Variants in NUDCD1 observed in about 807,000 individuals in gnomAD.
The protein encoded by NUDCD1 is NudC domain containing 1, also known as nudC domain-containing protein 1.
NUDCD1 carries 60 observed loss-of-function variants against 67.8 expected under a neutral mutation model. That is an observed-to-expected ratio of 0.88 (90% confidence interval 0.72 to 1.10). The LOEUF (loss-of-function observed/expected upper bound fraction) is 1.10, where lower values mean the gene tolerates loss of function less well. Ranked by LOEUF, NUDCD1 falls within the 50% of genes least tolerant of loss-of-function variation. The pLI is 0.00. For missense variants in NUDCD1, 643 were observed against 695.0 expected, an observed-to-expected ratio of 0.93 and a Z score of 0.84; for synonymous variants, 244 against 230.8, an observed-to-expected ratio of 1.06 and a Z score of -0.52.
rs1813384076 is a variant in NUDCD1, at chr8:109,242,233, T to C, written c.*776A>G. On this transcript the variant is annotated 3_prime_UTR_variant, in exon 10 of 10. Coordinates refer to ENST00000239690, the MANE Select transcript of NUDCD1 (RefSeq NM_032869.4). ...TACAGGATCGATAAGCTCTTGCATA[T>C]TGGAGCTTGCTCTCTTAAGATGTTT... 2 of 396,888 alleles carry C rather than the reference T, an allele frequency of 5.0e-6. No homozygotes were observed. The highest frequency in any genetic ancestry group is 4.4e-5 in the Admixed American group (1 of 22,672). 24.6% of individuals were successfully genotyped at this position (396,888 alleles called of 1,614,324 possible).
chr8:109,273,522 A>G (rs1292890752), intron 7 of NUDCD1, among the ~76,000 whole-genome samples: 1 of 152,124 alleles, frequency 6.6e-6, no homozygotes, highest in African/African-American at 2.4e-5. Flanking sequence ...AGAGCAAAAT[A>G]TATCCCCGGT....
At chr8:109,248,455 T>C (rs1813549980) in intron 8 of NUDCD1, among the ~76,000 whole-genome samples, 1 of 152,210 alleles carries the variant, frequency 6.6e-6, no homozygotes, top group South Asian at 2.1e-4. Flanking sequence ...ATGAATGTTA[T>C]GTAAAAAGTG....
Position 109,275,340 on chromosome 8 carries a change from C to G in NUDCD1, c.1173+12G>C. On this transcript the variant is annotated intron_variant, in intron 7 of 9. Coordinates refer to ENST00000239690, the MANE Select transcript of NUDCD1 (RefSeq NM_032869.4). The stretch of plus-strand genomic sequence containing the variant: ...ACCCTTGGAAAGTCACACTACTATT[C>G]CAACTACTTACCAGTTCTTCAGAGG... The G allele has an allele frequency of 6.2e-7, 1 of 1,610,552 alleles. No homozygotes were observed. The highest frequency in any genetic ancestry group is 8.5e-7 in the Non-Finnish European group (1 of 1,178,416).
At chr8:109,252,999 T>C (rs1043946658) in intron 8 of NUDCD1, among the ~76,000 whole-genome samples, 2 of 152,112 alleles carry the variant, frequency 1.3e-5, no homozygotes, top group African/African-American at 4.8e-5. Flanking sequence ...CTACAAGAGG[T>C]TCCAAATATA....
At chr8:109,320,800 A>G in intron 2 of NUDCD1, among the ~76,000 whole-genome samples, 1 of 152,204 alleles carries the variant, frequency 6.6e-6, no homozygotes, top group East Asian at 1.9e-4. Flanking sequence ...AATCTTCACA[A>G]TCTACGTTCT....
Position 109,309,264 on chromosome 8 carries a change from G to A in NUDCD1, c.274-12695C>T, listed in dbSNP as rs1335319620. On this transcript the variant is annotated intron_variant, in intron 2 of 9. Transcript: ENST00000239690. ...ACATATCAAAAAGATAATCCACCAT[G>A]ATCAAGTGGGTTTCATACCACAGAT... 2.0e-5 allele frequency among the ~76,000 whole-genome samples: 3 copies of A among 152,144 alleles called. No homozygotes were observed. The East Asian group carries it at 5.8e-4, about 29-fold the overall frequency.
chr8:109,294,299 C>T (rs1216001771), intron 3 of NUDCD1, among the ~76,000 whole-genome samples: 1 of 152,008 alleles, frequency 6.6e-6, no homozygotes, highest in African/African-American at 2.4e-5. Context: ...TACTTGAAAA[C>T]CTTACAAAGA....
chr8:109,253,692 C>T (rs1813670191), intron 8 of NUDCD1, among the ~76,000 whole-genome samples: 2 of 152,152 alleles, frequency 1.3e-5, no homozygotes, highest in African/African-American at 4.8e-5. Context: ...GTACTTTGCT[C>T]TTTCTTCCAA....
intron 2 of NUDCD1, among the ~76,000 whole-genome samples, chr8:109,310,543 T>C (rs1815826389): frequency 1.3e-5 from 2 of 152,206 alleles, no homozygotes; most frequent in South Asian, 4.1e-4. Flanking sequence ...AAAACCCTTC[T>C]AGACATTGGC....
At chr8:109,266,617 T>G (rs1814007387) in intron 8 of NUDCD1, among the ~76,000 whole-genome samples, 1 of 152,080 alleles carries the variant, frequency 6.6e-6, no homozygotes, top group Non-Finnish European at 1.5e-5. Flanking sequence ...TATACCACAT[T>G]TCAATGCAGA....
chr8:109,299,107 G>A (rs996894011), intron 2 of NUDCD1, among the ~76,000 whole-genome samples: 5 of 152,174 alleles, frequency 3.3e-5, no homozygotes, highest in African/African-American at 9.7e-5. Flanking sequence ...CTGTCAGCTC[G>A]CTGGGTTCCC....
At chr8:109,262,353 T>C (rs1332962026) in intron 8 of NUDCD1, among the ~76,000 whole-genome samples, 1 of 152,208 alleles carries the variant, frequency 6.6e-6, no homozygotes, top group African/African-American at 2.4e-5. Flanking sequence ...TCACCTATTG[T>C]GTTCTCAGAA....
At chr8:109,275,042 C>G (rs1814248317) in intron 7 of NUDCD1, among the ~76,000 whole-genome samples, 2 of 152,006 alleles carry the variant, frequency 1.3e-5, no homozygotes, top group Admixed American at 1.3e-4. Flanking sequence ...TTTTGTCCTA[C>G]CAGCATTGGT....
At chr8:109,293,096 C>T (rs1167485833) in intron 4 of NUDCD1, among the ~76,000 whole-genome samples, 1 of 151,898 alleles carries the variant, frequency 6.6e-6, no homozygotes, top group Non-Finnish European at 1.5e-5. Flanking sequence ...TTATTCAAAA[C>T]TTATATAACA....
At chr8:109,271,653 T>C (rs1814159702) in intron 7 of NUDCD1, among the ~76,000 whole-genome samples, 1 of 152,062 alleles carries the variant, frequency 6.6e-6, no homozygotes, top group Non-Finnish European at 1.5e-5. Context: ...AAATAAGTAA[T>C]GGCCAACACT....
In NUDCD1 at chr8:109,318,262, A is replaced by G. The variant is rs548286481; in HGVS notation, c.273+4047T>C. Among the ~76,000 whole-genome samples the G allele has an allele frequency of 4.6e-5, 7 of 152,368 alleles. No homozygotes were observed. The East Asian group carries it at 1.3e-3, about 29-fold the overall frequency. ...TATGAATATGGATGGTACTACAAAAATTAACACTTTCAGATCTACCATAAT... is the reference window on the plus strand; with the variant it reads ...TATGAATATGGATGGTACTACAAAAGTTAACACTTTCAGATCTACCATAAT... On this transcript the variant is annotated intron_variant, in intron 2 of 9. Transcript: ENST00000239690.
chr8:109,260,230 T>C (rs1180531706), intron 8 of NUDCD1, among the ~76,000 whole-genome samples: 1 of 152,240 alleles, frequency 6.6e-6, no homozygotes, highest in Non-Finnish European at 1.5e-5. Flanking sequence ...CACTCTGTTG[T>C]AGGTTGCCTA....
chr8:109,259,324 T>G (rs76069606), intron 8 of NUDCD1, among the ~76,000 whole-genome samples: 1 of 152,232 alleles, frequency 6.6e-6, no homozygotes, highest in South Asian at 2.1e-4. Flanking sequence ...GGGTTAATGC[T>G]ATTGCTGTCA....
intron 2 of NUDCD1, among the ~76,000 whole-genome samples, 188 bp from the exon 3 acceptor site, chr8:109,296,757 A>G (rs1354636481): frequency 6.6e-6 from 1 of 152,192 alleles, no homozygotes. Flanking sequence ...CAGATGGCAT[A>G]TGACTTCTAG....
Sources: gnomAD v4.1 joint callset for allele counts (sites outside exome capture counted in the v4.1 genomes callset) on GRCh38, gnomAD v4.1.1 for gene constraint, MANE v1.5 for transcripts, NCBI Gene and HGNC (gene_info 2026-07-23, HGNC 2026-07-21) for gene names.